Variants in SORBS2 observed in about 807,000 individuals in gnomAD.
SORBS2 encodes sorbin and SH3 domain containing 2.
SORBS2 carries 46 observed loss-of-function variants against 97.7 expected under a neutral mutation model. That is an observed-to-expected ratio of 0.47 (90% confidence interval 0.37 to 0.60). The LOEUF is 0.60. Among genes scored for constraint, SORBS2 ranks in the 20% least tolerant of loss-of-function variants. The pLI is 0.00. For synonymous variants in SORBS2, 476 were observed against 473.4 expected (o/e 1.01, Z -0.07); for missense variants, 1,316 against 1,282.3 (o/e 1.03, Z -0.40).
chr4:185,677,435 G>A, intron 4 of SORBS2: 1 of 1,552,166 alleles, frequency 6.4e-7, no homozygotes, highest in South Asian at 1.2e-5. Context: ...ACATGGTTGT[G>A]TTAGATTCTT....
At chr4:185,717,303 G>T (rs1207216346) in intron 2 of SORBS2, among the ~76,000 whole-genome samples, 2 of 151,926 alleles carry the variant, frequency 1.3e-5, no homozygotes, top group African/African-American at 2.4e-5. Context: ...GAAGAAAAGG[G>T]CAGTGATTGC....
intron 2 of SORBS2, among the ~76,000 whole-genome samples, chr4:185,709,247 C>T (rs13141219): frequency 0.46 from 68,684 of 150,266 alleles, 17,837 homozygotes; most frequent in South Asian, 0.59. Context: ...CTTGAACTCC[C>T]GCCTTGGCCT....
At chr4:185,750,607 T>C (rs551024117) in intron 2 of SORBS2, among the ~76,000 whole-genome samples, 2 of 152,350 alleles carry the variant, frequency 1.3e-5, no homozygotes, top group East Asian at 3.9e-4. Flanking sequence ...TTAAGCTGGC[T>C]AATACACTCC....
chr4:185,657,334 G>A, upstream of SORBS2: 1 of 1,216,664 alleles, frequency 8.2e-7, no homozygotes, highest in African/African-American at 1.6e-5. Flanking sequence ...CCTTATATAA[G>A]ACCCTAGGAA....
chr4:185,929,026 G>A (rs1012383133), intron 1 of SORBS2, among the ~76,000 whole-genome samples: 1 of 152,184 alleles, frequency 6.6e-6, no homozygotes, highest in Non-Finnish European at 1.5e-5. Flanking sequence ...TTCAGGCCAC[G>A]AGTTTGCAAC....
intron 1 of SORBS2, among the ~76,000 whole-genome samples, chr4:185,800,977 G>A (rs775798411): frequency 2.0e-5 from 3 of 152,138 alleles, no homozygotes; most frequent in Non-Finnish European, 2.9e-5. Flanking sequence ...CAGTCACCAC[G>A]CTGCATGAGA....
rs558555565 is a variant in SORBS2 at position 185,770,384 on chromosome 4, A to G, written c.-198+4843T>C. ...TTGTCACTGTGGCATCTGTATGCAC[A>G]TTTTCTGCCGTGTTAATGTCATCTT... On this transcript the variant is annotated intron_variant, in intron 2 of 20. Transcript: ENST00000284776. Among the ~76,000 whole-genome samples the G allele has an allele frequency of 2.6e-5, 4 of 152,242 alleles. No individual in the cohort carries two copies. In the South Asian group the frequency reaches 8.3e-4, roughly 32 times the overall value.
chr4:185,618,165 T>C (rs778611520), intron 9 of SORBS2, among the ~76,000 whole-genome samples: 8 of 152,164 alleles, frequency 5.3e-5, no homozygotes, highest in Non-Finnish European at 1.2e-4. Flanking sequence ...TGTAGAGACA[T>C]GGTTTTGCCA....
At chr4:185,799,182 C>T (rs2099119187) in intron 1 of SORBS2, among the ~76,000 whole-genome samples, 1 of 152,116 alleles carries the variant, frequency 6.6e-6, no homozygotes, top group Non-Finnish European at 1.5e-5. Context: ...AATTGGTAAG[C>T]AGAAGCTCTG....
chr4:185,941,693 C>G (rs921266165), intron 1 of SORBS2, among the ~76,000 whole-genome samples: 7 of 152,190 alleles, frequency 4.6e-5, no homozygotes, highest in Non-Finnish European at 8.8e-5. Context: ...TATGATTGCA[C>G]CCATTTCTCC....
At chr4:185,697,227 A>G (rs1041018289) in intron 2 of SORBS2, among the ~76,000 whole-genome samples, 6 of 152,186 alleles carry the variant, frequency 3.9e-5, no homozygotes, top group Non-Finnish European at 7.4e-5. Context: ...TTTGAAGCAG[A>G]TCTTTACCTT....
At chr4:185,734,555 A>C (rs770582575) in intron 2 of SORBS2, among the ~76,000 whole-genome samples, 1 of 152,090 alleles carries the variant, frequency 6.6e-6, no homozygotes, top group Non-Finnish European at 1.5e-5. Flanking sequence ...CTGTGTGGCC[A>C]CTGGTCAGCA....
At chr4:185,624,077 G>A (rs776113509) in exon 7 of SORBS2, 1 of 1,614,132 alleles carries the variant, frequency 6.2e-7, no homozygotes, top group East Asian at 2.2e-5. Context: ...CAGGAACCCC[G>A]GGGCGTTGCG....
At chr4:185,758,461 T>A (rs997863682) in intron 2 of SORBS2, among the ~76,000 whole-genome samples, 2 of 152,160 alleles carry the variant, frequency 1.3e-5, no homozygotes, top group African/African-American at 2.4e-5. Flanking sequence ...GGCCTCTCAA[T>A]CTTGGAGGTT....
chr4:185,695,079 C>A (rs561372506), intron 2 of SORBS2, among the ~76,000 whole-genome samples: 1 of 152,028 alleles, frequency 6.6e-6, no homozygotes, highest in African/African-American at 2.4e-5. Context: ...GTTCTCAATA[C>A]GTATAAGAGA....
chr4:185,683,944 G>A (rs558239807), intron 2 of SORBS2, among the ~76,000 whole-genome samples: 2 of 152,138 alleles, frequency 1.3e-5, no homozygotes, highest in Non-Finnish European at 2.9e-5. Context: ...TCTCACTTCT[G>A]CTGTAAGACC....
At chr4:185,897,229 A>G (rs1205825920) in intron 1 of SORBS2, among the ~76,000 whole-genome samples, 1 of 152,196 alleles carries the variant, frequency 6.6e-6, no homozygotes. Flanking sequence ...TCTGGGTAAG[A>G]ACTGGCGATA....
At chr4:185,933,009 A>C (rs895569845) in intron 1 of SORBS2, 6 of 152,244 alleles carry the variant, frequency 3.9e-5, no homozygotes, top group African/African-American at 1.4e-4. Context: ...CTGCTAATAA[A>C]GTGTTTCACA....
chr4:185,865,728 T>G (rs1039700613), intron 1 of SORBS2, among the ~76,000 whole-genome samples: 1 of 152,332 alleles, frequency 6.6e-6, no homozygotes, highest in South Asian at 2.1e-4. Context: ...TCCTCGATAA[T>G]GTGACCTCTG....
Sources: gnomAD v4.1 joint callset for allele counts (sites outside exome capture counted in the v4.1 genomes callset) on GRCh38, gnomAD v4.1.1 for gene constraint, MANE v1.5 for transcripts, NCBI Gene and HGNC (gene_info 2026-07-23, HGNC 2026-07-21) for gene names.